The following JAKMIP2 variants were observed in gnomAD, a reference collection of about 807,000 sequenced individuals.
The protein encoded by JAKMIP2 is janus kinase and microtubule interacting protein 2.
In JAKMIP2, 25 loss-of-function variants were observed where a neutral mutation model predicts 115.0. That is an observed-to-expected ratio of 0.22 (90% CI 0.16 to 0.30). The LOEUF is 0.30. JAKMIP2 is among the 10% of genes least tolerant of loss of function. The probability of loss-of-function intolerance (pLI) is 1.00; values close to 1 mark genes in which losing one functional copy is unlikely to be tolerated. For synonymous variants in JAKMIP2, 334 were observed against 343.6 expected, an observed-to-expected ratio of 0.97 and a Z score of 0.31; for missense variants, 642 against 957.6, an observed-to-expected ratio of 0.67 and a Z score of 4.35.
At chr5:147,615,040 T>G (rs1267127859) in intron 19 of JAKMIP2, among the ~76,000 whole-genome samples, 1 of 152,184 alleles carries the variant, frequency 6.6e-6, no homozygotes, top group East Asian at 1.9e-4. Context: ...TAGCACTTAT[T>G]GCCACTCTCA....
intron 20 of JAKMIP2, among the ~76,000 whole-genome samples, chr5:147,602,046 G>C (rs1379174016): frequency 6.6e-6 from 1 of 152,048 alleles, no homozygotes; most frequent in Admixed American, 6.6e-5. Context: ...ACGAACAATT[G>C]GTCTAAGCTC....
chr5:147,630,922 G>A (rs114041379), intron 14 of JAKMIP2, among the ~76,000 whole-genome samples: 1,918 of 152,154 alleles, frequency 0.013, 18 homozygotes, highest in South Asian at 0.058. Context: ...TAAACCCTAA[G>A]CCCTTCCAAA....
At chr5:147,753,769 G>A (rs540489423) in intron 1 of JAKMIP2, among the ~76,000 whole-genome samples, 5 of 151,620 alleles carry the variant, frequency 3.3e-5, no homozygotes, top group African/African-American at 1.2e-4. Flanking sequence ...TATTATTGGT[G>A]AGTCTGGTGT....
chr5:147,627,816 A>G (rs571194826), intron 16 of JAKMIP2, among the ~76,000 whole-genome samples: 1 of 152,114 alleles, frequency 6.6e-6, no homozygotes, highest in Admixed American at 6.5e-5. Flanking sequence ...TTTTTAAAAA[A>G]CACCTGGTTA....
intron 3 of JAKMIP2, among the ~76,000 whole-genome samples, chr5:147,656,362 G>A (rs1290766076): frequency 6.6e-6 from 1 of 152,190 alleles, no homozygotes; most frequent in Non-Finnish European, 1.5e-5. Context: ...TTATGAATCT[G>A]GGTGCTCCTA....
chr5:147,704,563 A>G (rs1319816633), intron 1 of JAKMIP2, among the ~76,000 whole-genome samples: 1 of 152,162 alleles, frequency 6.6e-6, no homozygotes, highest in East Asian at 1.9e-4. Context: ...TTAGAGGCAG[A>G]GCAAGGTAAG....
rs1459488363 is a variant in JAKMIP2, at chr5:147,661,526, G to A, written c.130-81C>T. The A allele has an allele frequency of 3.5e-6, 5 of 1,415,106 alleles. 1 individual carries two copies. The highest frequency in any genetic ancestry group is 3.8e-6 in the Non-Finnish European group (4 of 1,047,344). 87.7% of individuals were successfully genotyped at this position (1,415,106 alleles called of 1,614,324 possible). ...CTCCTAGGCAGGATTTGCAGCTCAG[G>A]CCGCTGTGATCTCTTAATTCCTCAT... On this transcript the variant is annotated intron_variant, in intron 2 of 21. Transcript: ENST00000616793.
At chr5:147,659,033 C>T (rs1452391963) in intron 3 of JAKMIP2, among the ~76,000 whole-genome samples, 1 of 151,854 alleles carries the variant, frequency 6.6e-6, no homozygotes, top group Non-Finnish European at 1.5e-5. Context: ...CTTCAGCCCC[C>T]TTTCCAGGAG....
chr5:147,726,682 C>T (rs184572403), intron 1 of JAKMIP2, among the ~76,000 whole-genome samples: 3 of 152,306 alleles, frequency 2.0e-5, no homozygotes, highest in Admixed American at 1.3e-4. Flanking sequence ...ACTGTTAAAG[C>T]CAGCCTGGCA....
intron 1 of JAKMIP2, among the ~76,000 whole-genome samples, chr5:147,739,352 A>G (rs1431343604): frequency 4.6e-5 from 7 of 152,116 alleles, no homozygotes. Context: ...CATTTATGCC[A>G]CAGGAGGAGA....
At chr5:147,600,313 T>C (rs909089315) in intron 21 of JAKMIP2, among the ~76,000 whole-genome samples, 10 of 152,102 alleles carry the variant, frequency 6.6e-5, no homozygotes, top group African/African-American at 2.4e-4. Flanking sequence ...AGAAAGAATA[T>C]AGCCAGAGAG....
chr5:147,715,959 G>C, intron 1 of JAKMIP2, among the ~76,000 whole-genome samples: 1 of 137,912 alleles, frequency 7.3e-6, no homozygotes, highest in East Asian at 2.2e-4. Flanking sequence ...TCGTCATCTA[G>C]CATTAGGTAT....
Position 147,632,781 on chromosome 5 carries a change from A to G in JAKMIP2, c.1678-3T>C, listed in dbSNP as rs1757425759. 3.8e-6 allele frequency: 6 copies of G among 1,586,264 alleles called. No homozygotes were observed. The South Asian group carries it at 6.7e-5, about 18-fold the overall frequency. ...TTTTCTGCCTCCTGTTTTTCTATCTAATAAAGTAAATCCTGAAGTTAGGTA... is the reference window on the plus strand; with the variant it reads ...TTTTCTGCCTCCTGTTTTTCTATCTGATAAAGTAAATCCTGAAGTTAGGTA... On this transcript the variant is annotated splice_polypyrimidine_tract_variant and splice_region_variant and intron_variant, in intron 12 of 21. Transcript: ENST00000616793.
At chr5:147,778,051 C>G (rs1413134709) in intron 1 of JAKMIP2, among the ~76,000 whole-genome samples, 2 of 151,978 alleles carry the variant, frequency 1.3e-5, no homozygotes, top group Non-Finnish European at 2.9e-5. Flanking sequence ...GGTGGCATAA[C>G]TTTTTTCAAG....
rs73797138 is a variant in JAKMIP2 at position 147,669,055 on chromosome 5, T to C, written c.129+2623A>G. 9.5e-3 allele frequency among the ~76,000 whole-genome samples: 1,444 copies of C among 152,316 alleles called. 31 individuals are homozygous for C. Among genetic ancestry groups the C allele is most frequent in the African/African-American group, 0.034 (1,394 of 41,570 alleles). On this transcript the variant is annotated intron_variant, in intron 2 of 21. Transcript: ENST00000616793. ...TCCACTTTTTAACTTATCCATTCCC[T>C]AGTAGCTGAACTGTCATTTTGTCAT...
intron 12 of JAKMIP2, among the ~76,000 whole-genome samples, chr5:147,634,558 T>C (rs73797116): frequency 0.013 from 1,923 of 152,294 alleles, 46 homozygotes; most frequent in African/African-American, 0.044. Flanking sequence ...TTTCGAGAGA[T>C]TGCTGGTTCT....
At chr5:147,632,506 C>G (rs934981333) in intron 13 of JAKMIP2, among the ~76,000 whole-genome samples, 174 bp downstream of exon 13, 2 of 152,102 alleles carry the variant, frequency 1.3e-5, no homozygotes, top group Admixed American at 6.5e-5. Flanking sequence ...AGTCACAGGA[C>G]TTAGGCAAGT....
chr5:147,642,725 C>T (rs1757938650), intron 7 of JAKMIP2, among the ~76,000 whole-genome samples: 1 of 151,352 alleles, frequency 6.6e-6, no homozygotes. Flanking sequence ...TTACAATTTA[C>T]ACATTATTGT....
At chr5:147,689,511 T>C (rs1760733257) in intron 1 of JAKMIP2, among the ~76,000 whole-genome samples, 1 of 152,114 alleles carries the variant, frequency 6.6e-6, no homozygotes, top group South Asian at 2.1e-4. Flanking sequence ...GAGGTGGTGA[T>C]AGGACTAGAT....
Sources: gnomAD v4.1 joint callset for allele counts (sites outside exome capture counted in the v4.1 genomes callset) on GRCh38, gnomAD v4.1.1 for gene constraint, MANE v1.5 for transcripts, NCBI Gene and HGNC (gene_info 2026-07-23, HGNC 2026-07-21) for gene names.